WWOX: variants seen among roughly 807,000 people sequenced by gnomAD.
WWOX encodes WW domain-containing oxidoreductase.
WWOX carries 69 observed loss-of-function variants against 46.2 expected under a neutral mutation model. The observed-to-expected ratio is 1.49, with a 90% confidence interval of 1.23 to 1.82. The LOEUF (loss-of-function observed/expected upper bound fraction) is 1.82, where lower values mean the gene tolerates loss of function less well. Among genes scored for constraint, WWOX ranks in the 40% most tolerant of loss-of-function variants. WWOX has a pLI of 0.00. For missense variants in WWOX, 919 were observed against 542.6 expected (o/e 1.69, Z -6.89); for synonymous variants, 359 against 202.6 (o/e 1.77, Z -6.56).
intron 8 of WWOX, among the ~76,000 whole-genome samples, chr16:78,795,748 C>T (rs1367691737): frequency 1.3e-5 from 2 of 152,080 alleles, no homozygotes; most frequent in Non-Finnish European, 2.9e-5. Flanking sequence ...TCAGGTTTTT[C>T]ATCTGTAAAT....
chr16:79,034,793 A>T (rs1597307859), intron 8 of WWOX, among the ~76,000 whole-genome samples: 1 of 152,162 alleles, frequency 6.6e-6, no homozygotes, highest in African/African-American at 2.4e-5. Flanking sequence ...TACATGAAGG[A>T]ATTATTCATT....
intron 8 of WWOX, among the ~76,000 whole-genome samples, chr16:78,793,978 C>A (rs112382854): frequency 8.1e-4 from 124 of 152,152 alleles, no homozygotes; most frequent in African/African-American, 2.9e-3. Context: ...AGACCCATGC[C>A]ATATAGCAAA....
At chr16:78,767,571 C>A (rs113162731) in intron 8 of WWOX, among the ~76,000 whole-genome samples, 1 of 151,938 alleles carries the variant, frequency 6.6e-6, no homozygotes, top group Non-Finnish European at 1.5e-5. Flanking sequence ...TTCGATTCTT[C>A]TGCATGTATA....
At chr16:78,633,860 G>C (rs902815165) in intron 8 of WWOX, among the ~76,000 whole-genome samples, 1 of 151,750 alleles carries the variant, frequency 6.6e-6, no homozygotes, top group East Asian at 1.9e-4. Context: ...TCACATGTAG[G>C]TCACCTACGG....
rs188889903 is a variant in WWOX, at chr16:78,658,834, G to A, written c.1056+226082G>A. On this transcript the variant is annotated intron_variant, in intron 8 of 8. Coordinates refer to ENST00000566780, the MANE Select transcript of WWOX (RefSeq NM_016373.4). ...GGGCTGGGCACGGTGGCTCATGCCT[G>A]TAATCCCAGAATTTTGGGAGGCCGA... 3.3e-5 allele frequency among the ~76,000 whole-genome samples: 5 copies of A among 151,906 alleles called. No individual in the cohort carries two copies. In the East Asian group the frequency reaches 7.8e-4, roughly 24 times the overall value.
intron 8 of WWOX, among the ~76,000 whole-genome samples, chr16:78,844,708 C>T (rs562212937): frequency 6.6e-5 from 10 of 152,316 alleles, no homozygotes; most frequent in African/African-American, 1.9e-4. Context: ...GACTTTTAAG[C>T]TGGGCAACTG....
chr16:79,154,043 C>G (rs190527380), intron 8 of WWOX, among the ~76,000 whole-genome samples: 7 of 152,308 alleles, frequency 4.6e-5, no homozygotes, highest in East Asian at 3.9e-4. Context: ...AAATCCAAAA[C>G]AACTTTGGCT....
At chr16:78,991,183 T>C (rs11644520) in intron 8 of WWOX, among the ~76,000 whole-genome samples, 21,505 of 152,158 alleles carry the variant, frequency 0.14, 1,952 homozygotes, top group East Asian at 0.5. Context: ...AAGAAGAAAT[T>C]TGGAGAAATT....
chr16:78,461,687 C>G (rs566514518), intron 8 of WWOX, among the ~76,000 whole-genome samples: 3 of 152,156 alleles, frequency 2.0e-5, no homozygotes, highest in African/African-American at 7.2e-5. Flanking sequence ...CAATGTGCCC[C>G]ATGTAAAAAT....
chr16:79,001,665 T>A (rs1280327756), intron 8 of WWOX, among the ~76,000 whole-genome samples: 5 of 146,542 alleles, frequency 3.4e-5, no homozygotes, highest in Admixed American at 2.7e-4. Flanking sequence ...AAGGAGCTGG[T>A]GGCAGGGGGA....
intron 1 of WWOX, among the ~76,000 whole-genome samples, chr16:78,101,304 C>G (rs1472091347): frequency 7.2e-6 from 1 of 139,044 alleles, no homozygotes; most frequent in Non-Finnish European, 1.5e-5. Context: ...GCCTCGGCCT[C>G]TCAAAGTGCT....
intron 5 of WWOX, among the ~76,000 whole-genome samples, chr16:78,223,286 A>G (rs2036950011): frequency 1.3e-5 from 2 of 152,124 alleles, no homozygotes; most frequent in African/African-American, 2.4e-5. Context: ...AGAGCAAGGG[A>G]TGCTGTAGAA....
chr16:78,181,105 A>G (rs926160568), intron 5 of WWOX, among the ~76,000 whole-genome samples: 3 of 152,216 alleles, frequency 2.0e-5, no homozygotes, highest in African/African-American at 7.2e-5. Flanking sequence ...TGAAAGAGAA[A>G]GACACAGAGG....
chr16:78,475,039 T>A (rs1010276391), intron 8 of WWOX, among the ~76,000 whole-genome samples: 1 of 152,202 alleles, frequency 6.6e-6, no homozygotes, highest in Non-Finnish European at 1.5e-5. Flanking sequence ...AGTGCTAACA[T>A]AGCCAGGCAT....
intron 4 of WWOX, among the ~76,000 whole-genome samples, chr16:78,144,665 T>C (rs1451830190): frequency 6.7e-6 from 1 of 149,260 alleles, no homozygotes; most frequent in Admixed American, 6.7e-5. Context: ...GGATTACAGG[T>C]GCACGCTACC....
At chr16:78,495,225 T>C (rs150386553) in intron 8 of WWOX, among the ~76,000 whole-genome samples, 2,373 of 143,236 alleles carry the variant, frequency 0.017, 28 homozygotes, top group Non-Finnish European at 0.026. Flanking sequence ...ACTGCAACTT[T>C]TGCCTCCTAG....
chr16:78,542,018 CAAAAAAAAAAAAAAAAA>C (rs548366256), intron 8 of WWOX, among the ~76,000 whole-genome samples: 1 of 40,642 alleles, frequency 2.5e-5, no homozygotes, highest in African/African-American at 1.0e-4. Context: ...CAGAGTATAC[CAAAAAAAAAAAAAAAAA>C]AAAAAAAAAA....
chr16:79,186,116 C>T (rs28524560), intron 8 of WWOX, among the ~76,000 whole-genome samples: 74,119 of 151,862 alleles, frequency 0.49, 19,000 homozygotes, highest in African/African-American at 0.64. Flanking sequence ...TGTGTTCACA[C>T]AGATGGTCAT....
intron 8 of WWOX, among the ~76,000 whole-genome samples, chr16:79,126,038 C>T (rs980077911): frequency 1.4e-4 from 21 of 152,222 alleles, no homozygotes; most frequent in African/African-American, 5.1e-4. Context: ...AATGGATAAA[C>T]ATGTACAAAA....
Sources: allele counts gnomAD v4.1 joint callset (sites outside exome capture counted in the v4.1 genomes callset), GRCh38; gene constraint gnomAD v4.1.1; transcripts MANE v1.5; gene names NCBI Gene and HGNC (gene_info 2026-07-23, HGNC 2026-07-21).